The following NRXN1 variants were observed in gnomAD, a reference collection of about 807,000 sequenced individuals.
NRXN1 encodes neurexin-1.
NRXN1 carries 39 observed loss-of-function variants against 150.9 expected under a neutral mutation model. The ratio of observed to expected loss-of-function variants is 0.26; its 90% CI spans 0.20 to 0.34. NRXN1 has a LOEUF of 0.34. Among genes scored for constraint, NRXN1 ranks in the 10% least tolerant of loss-of-function variants. The probability of loss-of-function intolerance (pLI) is 1.00; values close to 1 mark genes in which losing one functional copy is unlikely to be tolerated. For missense variants in NRXN1, 1,815 were observed against 1,949.9 expected, an observed-to-expected ratio of 0.93 and a Z score of 1.30; for synonymous variants, 924 against 757.0, an observed-to-expected ratio of 1.22 and a Z score of -3.62.
chr2:50,906,364 T>A (rs1205729337), intron 5 of NRXN1, among the ~76,000 whole-genome samples: 3 of 152,066 alleles, frequency 2.0e-5, no homozygotes, highest in African/African-American at 7.2e-5. Context: ...CTCATGAAAA[T>A]CTGGGAAGCA....
intron 5 of NRXN1, among the ~76,000 whole-genome samples, chr2:50,721,813 G>A (rs951476153): frequency 6.6e-6 from 1 of 151,880 alleles, no homozygotes; most frequent in Non-Finnish European, 1.5e-5. Context: ...TATTTTACAG[G>A]TAGAGAAAGT....
intron 22 of NRXN1, among the ~76,000 whole-genome samples, chr2:49,933,970 A>G (rs2104244739): frequency 6.6e-6 from 1 of 152,316 alleles, no homozygotes; most frequent in South Asian, 2.1e-4. Context: ...TTTGCATTGT[A>G]GGGCATGTTG....
At chr2:50,466,976 C>T (rs6726029) in intron 16 of NRXN1, among the ~76,000 whole-genome samples, 89,254 of 151,422 alleles carry the variant, frequency 0.59, 26,724 homozygotes, top group Middle Eastern at 0.7. Flanking sequence ...CAGCCATTCA[C>T]TGACAACAGC....
At chr2:50,365,515 A>T (rs1209179550) in intron 17 of NRXN1, among the ~76,000 whole-genome samples, 1 of 152,092 alleles carries the variant, frequency 6.6e-6, no homozygotes, top group East Asian at 1.9e-4. Flanking sequence ...TCTATAGTGA[A>T]TTACTTTTAT....
chr2:50,989,304 GAATAC>G (rs1421030985), intron 2 of NRXN1, among the ~76,000 whole-genome samples: 1 of 151,896 alleles, frequency 6.6e-6, no homozygotes, highest in Admixed American at 6.6e-5. Flanking sequence ...ATTTGAGTGA[GAATAC>G]AATTGTTAAA....
chr2:50,940,107 T>A (rs1022963552), intron 2 of NRXN1, among the ~76,000 whole-genome samples: 2 of 152,116 alleles, frequency 1.3e-5, no homozygotes, highest in African/African-American at 4.8e-5. Context: ...GCTCCCGAAA[T>A]TGTGGCTAAA....
chr2:50,828,746 T>C (rs1181597409), intron 5 of NRXN1, among the ~76,000 whole-genome samples: 1 of 142,548 alleles, frequency 7.0e-6, no homozygotes, highest in Non-Finnish European at 1.5e-5. Context: ...CTTTCCAGAC[T>C]GGGCAGCCAG....
intron 18 of NRXN1, among the ~76,000 whole-genome samples, chr2:50,235,876 A>G (rs116489810): frequency 9.1e-4 from 138 of 152,202 alleles, no homozygotes; most frequent in African/African-American, 3.1e-3. Flanking sequence ...ACCAAGAACT[A>G]TGATAATAAG....
At chr2:50,827,613 T>G (rs982293897) in intron 5 of NRXN1, among the ~76,000 whole-genome samples, 68 of 152,236 alleles carry the variant, frequency 4.5e-4, no homozygotes, top group African/African-American at 9.4e-4. Context: ...TATTTATTTA[T>G]TTAGTTTTTT....
In NRXN1 at chr2:50,497,595, T is replaced by C. The variant is rs770206503; in HGVS notation, c.2617A>G (p.Thr873Ala). The C allele has an allele frequency of 2.5e-6, 4 of 1,613,952 alleles. No homozygotes were observed. In the South Asian group the frequency reaches 3.3e-5, roughly 13 times the overall value. The change falls in exon 14 of 23, where the codon ACA (threonine) becomes GCA (alanine). Residue 873 changes from threonine to alanine, a missense_variant. Coordinates refer to ENST00000401669, the MANE Select transcript of NRXN1 (RefSeq NM_001330078.2). ...SNFIGHLQSL[T>A]FNGMAYIDLC... ...TCAATGTATGCCATTCCATTAAATGTCAAGCTCTGCAGGTGTCCAATGAAG... is the reference window on the plus strand; with the variant it reads ...TCAATGTATGCCATTCCATTAAATGCCAAGCTCTGCAGGTGTCCAATGAAG...
chr2:50,496,050 G>C lies in NRXN1; in HGVS notation c.2925C>G (p.Ile975Met). The change falls in exon 15 of 23, where the codon ATC becomes ATG. Residue 975 changes from isoleucine (I) to methionine (M), a missense_variant. Physicochemically the swap from Ile to Met is conservative, Grantham distance 10. Transcript: ENST00000401669. Reference protein sequence around the residue: ...VFDLGNGANLIKGSSNKPLND... With the variant: ...VFDLGNGANLMKGSSNKPLND... ...TGAGAGGTTTATTTGAGCTTCCTTT[G>C]ATGAGGTTAGCACCATTTCCCAAAT... The C allele has an allele frequency of 6.2e-7, 1 of 1,611,740 alleles. No individual in the cohort carries two copies. The highest frequency in any genetic ancestry group is 1.3e-5 in the African/African-American group (1 of 74,988).
chr2:50,359,416 GAC>G (rs2079035713), intron 17 of NRXN1, among the ~76,000 whole-genome samples: 1 of 151,408 alleles, frequency 6.6e-6, no homozygotes, highest in African/African-American at 2.4e-5. Context: ...GAACATAAAT[GAC>G]CTGATGGAGC....
chr2:50,743,965 C>T (rs1184338881), intron 5 of NRXN1, among the ~76,000 whole-genome samples: 2 of 152,096 alleles, frequency 1.3e-5, no homozygotes, highest in Non-Finnish European at 2.9e-5. Context: ...CAAGATTGCC[C>T]TCAAACCAGG....
chr2:50,598,685 TATA>T, intron 8 of NRXN1, among the ~76,000 whole-genome samples: 1 of 146,828 alleles, frequency 6.8e-6, no homozygotes, highest in African/African-American at 2.5e-5. Context: ...TGTGTATGTA[TATA>T]CATATCTATA....
At chr2:50,810,716 T>C (rs1668097657) in intron 5 of NRXN1, among the ~76,000 whole-genome samples, 1 of 152,140 alleles carries the variant, frequency 6.6e-6, no homozygotes, top group Non-Finnish European at 1.5e-5. Context: ...GGCAGGTGGC[T>C]CATGCCTGTA....
At position 50,496,054 on chromosome 2, in the gene NRXN1, A is replaced by G; in HGVS notation, c.2921T>C (p.Leu974Pro). 6.2e-7 allele frequency: 1 copy of G among 1,611,498 alleles called. No homozygotes were observed. Among genetic ancestry groups the G allele is most frequent in the Non-Finnish European group, 8.5e-7 (1 of 1,178,618 alleles). The change falls in exon 15 of 23, where the codon CTC becomes CCC. Residue 974 changes from leucine (L) to proline (P), a missense_variant. Leu to Pro is a moderately conservative substitution (Grantham distance 98, BLOSUM62 -3). Transcript: ENST00000401669. ...YVFDLGNGAN[L>P]IKGSSNKPLN... ...AGGTTTATTTGAGCTTCCTTTGATGAGGTTAGCACCATTTCCCAAATCAAA... is the reference window on the plus strand; with the variant it reads ...AGGTTTATTTGAGCTTCCTTTGATGGGGTTAGCACCATTTCCCAAATCAAA...
chr2:50,596,072 T>C (rs984441174), intron 8 of NRXN1, among the ~76,000 whole-genome samples: 2 of 152,198 alleles, frequency 1.3e-5, no homozygotes, highest in African/African-American at 4.8e-5. Context: ...GGCACTGTTA[T>C]GATCAGGCAT....
intron 5 of NRXN1, among the ~76,000 whole-genome samples, chr2:50,752,062 C>T (rs1322740507): frequency 4.6e-5 from 7 of 151,974 alleles, no homozygotes; most frequent in Admixed American, 6.6e-5. Context: ...TGTTATTTCA[C>T]GTGCAGGCTG....
intron 17 of NRXN1, among the ~76,000 whole-genome samples, chr2:50,247,145 C>A (rs1048780927): frequency 7.9e-5 from 12 of 152,006 alleles, no homozygotes; most frequent in Non-Finnish European, 1.3e-4. Context: ...TCACCTAATA[C>A]AACAATCTCA....
Sources: gnomAD v4.1 joint callset for allele counts (sites outside exome capture counted in the v4.1 genomes callset) on GRCh38, gnomAD v4.1.1 for gene constraint, MANE v1.5 for transcripts, NCBI Gene and HGNC (gene_info 2026-07-23, HGNC 2026-07-21) for gene names.